Variants in VPS13C observed in about 807,000 individuals in gnomAD.
VPS13C encodes vacuolar protein sorting 13 homolog C, also known as intermembrane lipid transfer protein VPS13C.
In VPS13C, 358 loss-of-function variants were observed where a neutral mutation model predicts 456.8. That is an observed-to-expected ratio of 0.78 (90% CI 0.72 to 0.86). The LOEUF is 0.86. VPS13C is among the 40% of genes least tolerant of loss of function. The probability of loss-of-function intolerance (pLI) is 0.00; values close to 1 mark genes in which losing one functional copy is unlikely to be tolerated. For missense variants in VPS13C, 4,818 were observed against 4,385.4 expected (o/e 1.10, Z -2.79); for synonymous variants, 1,578 against 1,486.7 (o/e 1.06, Z -1.41).
chr15:61,892,937 C>A (rs1276335022), intron 66 of VPS13C, among the ~76,000 whole-genome samples: 1 of 151,890 alleles, frequency 6.6e-6, no homozygotes, highest in Non-Finnish European at 1.5e-5. Flanking sequence ...GGAAAATACA[C>A]AGAGGAGAAA....
intron 16 of VPS13C, among the ~76,000 whole-genome samples, chr15:61,994,307 C>G (rs2046310953): frequency 6.6e-6 from 1 of 152,176 alleles, no homozygotes; most frequent in African/African-American, 2.4e-5. Context: ...CACATTTAAG[C>G]TAAAGCAACT....
At chr15:61,865,886 C>T (rs1324769107) in intron 81 of VPS13C, 20 of 961,780 alleles carry the variant, frequency 2.1e-5, no homozygotes, top group Non-Finnish European at 2.3e-5. Context: ...CTCAAAGCTG[C>T]ATATTAAAGA....
chr15:62,049,534 C>T (rs947373399), intron 1 of VPS13C, among the ~76,000 whole-genome samples: 1 of 152,154 alleles, frequency 6.6e-6, no homozygotes, highest in African/African-American at 2.4e-5. Flanking sequence ...AGTCAGGTAG[C>T]GTGATGTCTC....
At position 61,936,726 on chromosome 15, in the gene VPS13C, T is replaced by C. The variant is rs1255267223; in HGVS notation, c.5626A>G (p.Thr1876Ala). ...MQVALSEDDL[T>A]VLMKILLENL... is the part of the protein sequence containing the mutation. ...TCTAGCAAAATTTTCATTAAAACTG[T>C]CAAGTCATCTTCACTGAGAGCAACC... Residue 1876 changes from threonine to alanine, a missense_variant, in exon 48 of 85, where the codon ACA (threonine) becomes GCA (alanine). Thr to Ala is a moderately conservative substitution (Grantham distance 58, BLOSUM62 0). Around this residue, in one of 3 missense-constraint regions of VPS13C, gnomAD observed 4,552 missense variants for 4,130.6 expected, o/e 1.10. Coordinates refer to ENST00000644861, the MANE Select transcript of VPS13C (RefSeq NM_020821.3). The C allele has an allele frequency of 1.9e-6, 3 of 1,612,668 alleles. No individual in the cohort carries two copies. The highest frequency in any genetic ancestry group is 2.7e-5 in the African/African-American group (2 of 74,850).
At position 62,013,999 on chromosome 15, in the gene VPS13C, GA is replaced by G; in HGVS notation, c.685-8del. ...TCCAGTGTTCATTTGCAGTCTAAAA[GA>G]AAAAAGGGAATACCTGTGAAACGTG... On this transcript the variant is annotated splice_polypyrimidine_tract_variant and splice_region_variant and intron_variant, in intron 9 of 84. Transcript: ENST00000644861. The G allele has an allele frequency of 1.9e-6, 3 of 1,604,060 alleles. No homozygotes were observed. Among genetic ancestry groups the G allele is most frequent in the Non-Finnish European group, 2.6e-6 (3 of 1,174,720 alleles).
chr15:62,039,077 C>T (rs560762391), intron 3 of VPS13C, among the ~76,000 whole-genome samples: 1 of 152,140 alleles, frequency 6.6e-6, no homozygotes, highest in East Asian at 1.9e-4. Context: ...AAACAGCAAT[C>T]CCACTACTGA....
chr15:62,044,120 T>C (rs1036517636), intron 2 of VPS13C, 92 bp downstream of exon 2: 10 of 793,200 alleles, frequency 1.3e-5, no homozygotes, highest in East Asian at 2.9e-5. Context: ...CATCACTTTA[T>C]CTAGTACATG....
At position 62,059,963 on chromosome 15, in the gene VPS13C, C is replaced by T. The variant is rs562264945; in HGVS notation, c.100+312G>A. Among the ~76,000 whole-genome samples, 5 of 152,350 alleles carry T rather than the reference C, an allele frequency of 3.3e-5. No individual in the cohort carries two copies. The South Asian group carries it at 1.0e-3, about 32-fold the overall frequency. On this transcript the variant is annotated intron_variant, in intron 1 of 84. Coordinates refer to ENST00000644861, the MANE Select transcript of VPS13C (RefSeq NM_020821.3). Reference sequence around the variant, plus strand: ...TTATGCTGTAGGGCCAAAGGGGCCACCCTGAGTGCAGCGAGAGGACCACAG... The same window carrying T: ...TTATGCTGTAGGGCCAAAGGGGCCATCCTGAGTGCAGCGAGAGGACCACAG...
Position 61,865,570 on chromosome 15 carries a change from G to A in VPS13C, c.10864-2042C>T, listed in dbSNP as rs141989687. The A allele has an allele frequency of 6.1e-3, 4,728 of 780,696 alleles. 68 individuals carry two copies. The highest frequency in any genetic ancestry group is 0.059 in the South Asian group (1,002 of 17,060). The allele number at this position is 780,696 out of a possible 1,614,324, so 48.4% of individuals were successfully genotyped here. Reference sequence around the variant, plus strand: ...TATGTGTAAATATGTGTATGTTTGCGTATATATGTGTGTATATGTGTGTGT... The same window carrying A: ...TATGTGTAAATATGTGTATGTTTGCATATATATGTGTGTATATGTGTGTGT... On this transcript the variant is annotated intron_variant, in intron 81 of 84. Transcript: ENST00000644861.
chr15:61,915,980 C>T lies in VPS13C; in HGVS notation c.8098G>A (p.Asp2700Asn), dbSNP rs746677397. Residue 2700 changes from aspartate (D) to asparagine (N), a missense_variant, in exon 61 of 85, where the codon GAT (aspartate) becomes AAT (asparagine). Physicochemically the swap from Asp to Asn is conservative, Grantham distance 23. This residue lies in a region of VPS13C where 4,552 missense variants were observed against 4,130.6 expected (regional missense o/e 1.10). Transcript: ENST00000644861. ...THELAEGSTADVLHSRISGEI... is the reference protein window; with the variant it reads ...THELAEGSTANVLHSRISGEI... ...CCACTGATTCTCGAATGCAGAACATCAGCAGTACTGCCTTCTGCCAGCTCA... is the reference window on the plus strand; with the variant it reads ...CCACTGATTCTCGAATGCAGAACATTAGCAGTACTGCCTTCTGCCAGCTCA... 6 of 1,610,856 alleles carry T rather than the reference C, an allele frequency of 3.7e-6. No individual in the cohort carries two copies. In the African/African-American group the frequency reaches 8.0e-5, roughly 22 times the overall value.
rs180672145 is a variant in VPS13C, at chr15:62,049,511, C to G, written c.101-5256G>C. 4.4e-3 allele frequency among the ~76,000 whole-genome samples: 667 copies of G among 152,222 alleles called. 6 individuals are homozygous for G. The highest frequency in any genetic ancestry group is 0.014 in the African/African-American group (586 of 41,544). ...TGCTGTTTTGGTTACTGTAGCCTTG[C>G]AATATAGTTTGAAGTCAGGTAGCGT... On this transcript the variant is annotated intron_variant, in intron 1 of 84. Coordinates refer to ENST00000644861, the MANE Select transcript of VPS13C (RefSeq NM_020821.3).
At chr15:62,009,925 C>T (rs912889693) in intron 13 of VPS13C, among the ~76,000 whole-genome samples, 11 of 152,126 alleles carry the variant, frequency 7.2e-5, no homozygotes, top group African/African-American at 2.4e-4. Flanking sequence ...CGGTAGCTCA[C>T]GCCTGTAATC....
At chr15:61,920,390 C>G in intron 56 of VPS13C, 59 bp from the exon 57 acceptor site, 1 of 1,509,308 alleles carries the variant, frequency 6.6e-7, no homozygotes, top group Non-Finnish European at 8.8e-7. Context: ...CTTCCCAAAA[C>G]CTATACCATA....
chr15:62,043,182 T>C (rs1233413809), intron 2 of VPS13C, among the ~76,000 whole-genome samples: 5 of 152,170 alleles, frequency 3.3e-5, no homozygotes, highest in Admixed American at 2.6e-4. Flanking sequence ...ATTTAAATTT[T>C]TGAGCACCTA....
intron 16 of VPS13C, among the ~76,000 whole-genome samples, chr15:61,996,998 C>CATATATATATATATATATATATAT (rs35381809): frequency 4.8e-5 from 7 of 145,538 alleles, no homozygotes; most frequent in African/African-American, 1.6e-4. Flanking sequence ...TACATACATA[C>CATATATATATATATATATATATAT]ATATATATAT....
Position 61,895,762 on chromosome 15 carries a change from C to G in VPS13C, c.9106-5362G>C, listed in dbSNP as rs113383596. ...GTGGTAGCTAAAAAACAGTTGGTCT[C>G]ATAAAAGTAAAAATTAGAACAGCAG... On this transcript the variant is annotated intron_variant, in intron 66 of 84. Transcript: ENST00000644861. Among the ~76,000 whole-genome samples, 49 of 152,118 alleles carry G rather than the reference C, an allele frequency of 3.2e-4. 2 individuals carry two copies. Among genetic ancestry groups the G allele is most frequent in the African/African-American group, 1.2e-3 (48 of 41,482 alleles).
chr15:62,051,164 G>T (rs2048603615), intron 1 of VPS13C, among the ~76,000 whole-genome samples: 1 of 152,122 alleles, frequency 6.6e-6, no homozygotes, highest in Non-Finnish European at 1.5e-5. Context: ...TTAGGCTATA[G>T]CTTTCTTATG....
rs574768476 is a variant in VPS13C at position 62,009,362 on chromosome 15, TA to T, written c.1012-602del. Among the ~76,000 whole-genome samples the T allele has an allele frequency of 9.5e-3, 1,344 of 141,888 alleles. 10 individuals are homozygous for T. The highest frequency in any genetic ancestry group is 0.047 in the South Asian group (208 of 4,452). The allele number at this position is 141,888 out of a possible 152,430, so 93.1% of individuals were successfully genotyped here. On this transcript the variant is annotated intron_variant, in intron 13 of 84. Transcript: ENST00000644861. ...GAGGTAACATGAAAGCAGAGAAGAT[TA>T]AAAAAAAAAAAGGGGGCAAGTCTAG...
At chr15:61,954,948 A>G (rs76766889) in intron 37 of VPS13C, among the ~76,000 whole-genome samples, 1,800 of 152,260 alleles carry the variant, frequency 0.012, 45 homozygotes, top group African/African-American at 0.042. Flanking sequence ...ATGATAACAC[A>G]TGATAGGTTT....
Sources: allele counts gnomAD v4.1 joint callset (sites outside exome capture counted in the v4.1 genomes callset), GRCh38; gene constraint gnomAD v4.1.1; regional missense constraint gnomAD v4.1.1; transcripts MANE v1.5; gene names NCBI Gene and HGNC (gene_info 2026-07-23, HGNC 2026-07-21).